The following DACH2 variants were observed in gnomAD, a reference collection of about 807,000 sequenced individuals.
The protein encoded by DACH2 is dachshund family transcription factor 2.
DACH2 carries 17 observed loss-of-function variants against 35.8 expected under a neutral mutation model. That is an observed-to-expected ratio of 0.48 (90% CI 0.33 to 0.71). The LOEUF is 0.71. Ranked by LOEUF, DACH2 falls within the 30% of genes least tolerant of loss-of-function variation. The probability of loss-of-function intolerance (pLI) is 0.02; values close to 1 mark genes in which losing one functional copy is unlikely to be tolerated. For synonymous variants in DACH2, 195 were observed against 177.3 expected (o/e 1.10, Z -0.79); for missense variants, 469 against 472.7 (o/e 0.99, Z 0.07).
rs58707735 is a variant in DACH2 at position 86,158,522 on chromosome X, CGTGTGTGTGT to C, written c.488+9431_488+9440del. Among the ~76,000 whole-genome samples the C allele has an allele frequency of 2.9e-5, 3 of 103,352 alleles. No homozygotes were observed. The South Asian group carries it at 1.3e-3, about 45-fold the overall frequency. 89.7% of individuals were successfully genotyped at this position (103,352 alleles called of 115,157 possible). A position where few individuals can be genotyped will look rare whatever the true frequency, so the allele number is the denominator to read the frequency against. On this transcript the variant is annotated intron_variant, in intron 1 of 11. Transcript: ENST00000373125. Reference sequence around the variant, plus strand: ...ATTAGATTTGTTATGATAGCCTGTGCGTGTGTGTGTGTGTGTGTGTGTGTGTCTATCCAGT... The same window carrying C: ...ATTAGATTTGTTATGATAGCCTGTGCGTGTGTGTGTGTGTGTCTATCCAGT...
intron 4 of DACH2, among the ~76,000 whole-genome samples, chrX:86,668,019 TC>T (rs887065705): frequency 1.8e-5 from 2 of 112,330 alleles, no homozygotes; most frequent in African/African-American, 6.5e-5. Context: ...TTATATTTCA[TC>T]CATATAGGGA....
At chrX:86,423,388 G>T (rs2036838094) in intron 2 of DACH2, among the ~76,000 whole-genome samples, 1 of 111,098 alleles carries the variant, frequency 9.0e-6, no homozygotes, top group Admixed American at 9.6e-5. Flanking sequence ...ATATCTCATT[G>T]TAGTTTTTGA....
chrX:86,759,767 A>T (rs1296824717), intron 7 of DACH2, among the ~76,000 whole-genome samples: 1 of 110,684 alleles, frequency 9.0e-6, no homozygotes, highest in African/African-American at 3.3e-5. Context: ...CAGTGGTAAC[A>T]TTTGAGTGTT....
intron 1 of DACH2, among the ~76,000 whole-genome samples, chrX:86,185,855 A>G (rs913995462): frequency 1.3e-4 from 15 of 112,260 alleles, no homozygotes; most frequent in Non-Finnish European, 5.6e-5. Flanking sequence ...AAAATCTGTA[A>G]AATTCTCAGA....
chrX:86,475,012 G>A (rs762471469), intron 2 of DACH2, among the ~76,000 whole-genome samples: 1 of 111,850 alleles, frequency 8.9e-6, no homozygotes, highest in South Asian at 3.7e-4. Context: ...GGGGATTACA[G>A]CTGTGAGCCA....
chrX:86,271,608 G>A (rs1289315748), intron 1 of DACH2, among the ~76,000 whole-genome samples: 3 of 111,192 alleles, frequency 2.7e-5, no homozygotes, highest in South Asian at 3.7e-4. Context: ...ATTTGGTGAC[G>A]GTAGAAGCAG....
intron 3 of DACH2, among the ~76,000 whole-genome samples, chrX:86,524,056 T>G (rs1343161794): frequency 8.9e-6 from 1 of 112,503 alleles, no homozygotes; most frequent in Non-Finnish European, 1.9e-5. Flanking sequence ...CCTCCAAAAT[T>G]TACCTTGGCC....
At position 86,676,270 on chromosome X, in the gene DACH2, GGT is replaced by G. The variant is rs771048423; in HGVS notation, c.773-18749_773-18748del. 2.7e-5 allele frequency among the ~76,000 whole-genome samples: 3 copies of G among 111,709 alleles called. No individual in the cohort carries two copies. The East Asian group carries it at 8.4e-4, about 31-fold the overall frequency. Reference sequence around the variant, plus strand: ...TTCCTTAAAACCTTAAAAAGACATTGGTGCTTTGTAAACACACCCATAATGTT... The same window carrying G: ...TTCCTTAAAACCTTAAAAAGACATTGGCTTTGTAAACACACCCATAATGTT... On this transcript the variant is annotated intron_variant, in intron 4 of 11. Transcript: ENST00000373125.
At chrX:86,780,170 CAA>C (rs5902915) in intron 7 of DACH2, among the ~76,000 whole-genome samples, 34,344 of 90,001 alleles carry the variant, frequency 0.38, 5,377 homozygotes, top group African/African-American at 0.48. Context: ...ATATAAATAC[CAA>C]AAAAAAAAAA....
At chrX:86,526,446 A>G (rs769787332) in intron 3 of DACH2, among the ~76,000 whole-genome samples, 1 of 111,599 alleles carries the variant, frequency 9.0e-6, no homozygotes, top group African/African-American at 3.3e-5. Context: ...AGTGGTGAAA[A>G]TGTTTTCTTG....
intron 6 of DACH2, among the ~76,000 whole-genome samples, chrX:86,738,107 G>T (rs1047761007): frequency 9.0e-6 from 1 of 111,008 alleles, no homozygotes; most frequent in African/African-American, 3.3e-5. Flanking sequence ...GATCAGATTG[G>T]GTCCACTAAG....
intron 7 of DACH2, among the ~76,000 whole-genome samples, chrX:86,752,986 C>T (rs781774595): frequency 3.1e-4 from 34 of 110,598 alleles, no homozygotes; most frequent in South Asian, 3.1e-3. Context: ...TATTTGAGCT[C>T]TCATATTTTA....
chrX:86,341,241 C>T (rs1361160456), intron 1 of DACH2, among the ~76,000 whole-genome samples: 1 of 111,750 alleles, frequency 8.9e-6, no homozygotes, highest in African/African-American at 3.3e-5. Flanking sequence ...GGCTGACTCT[C>T]TTGTTAGAGT....
At chrX:86,596,066 C>T (rs2039707636) in intron 3 of DACH2, among the ~76,000 whole-genome samples, 1 of 111,785 alleles carries the variant, frequency 8.9e-6, no homozygotes, top group Non-Finnish European at 1.9e-5. Flanking sequence ...TTTCAAGTCT[C>T]ATCCATGTTG....
chrX:86,445,636 C>A (rs1163887404), intron 2 of DACH2, among the ~76,000 whole-genome samples: 1 of 98,796 alleles, frequency 1.0e-5, no homozygotes, highest in Non-Finnish European at 2.0e-5. Flanking sequence ...TATTAATGAG[C>A]ATTTTTACAA....
chrX:86,265,310 T>C (rs1399536795), intron 1 of DACH2, among the ~76,000 whole-genome samples: 1 of 112,031 alleles, frequency 8.9e-6, no homozygotes, highest in East Asian at 2.8e-4. Context: ...GTACACATTA[T>C]ATTATATTCC....
chrX:86,598,968 G>A lies in DACH2; in HGVS notation c.641-52068G>A, dbSNP rs184501991. Reference sequence around the variant, plus strand: ...TCCCTCGCCCCTCCCGCCACCCCACGACAGGCCCCAGTGTGTGATGTTCCC... The same window carrying A: ...TCCCTCGCCCCTCCCGCCACCCCACAACAGGCCCCAGTGTGTGATGTTCCC... On this transcript the variant is annotated intron_variant, in intron 3 of 11. Transcript: ENST00000373125. Among the ~76,000 whole-genome samples, 159 of 106,977 alleles carry A rather than the reference G, an allele frequency of 1.5e-3. 1 individual carries two copies. Among genetic ancestry groups the A allele is most frequent in the African/African-American group, 5.1e-3 (142 of 27,625 alleles). The allele number at this position is 106,977 out of a possible 115,157, so 92.9% of individuals were successfully genotyped here.
intron 5 of DACH2, among the ~76,000 whole-genome samples, chrX:86,699,833 C>G (rs775879151): frequency 2.6e-4 from 29 of 111,555 alleles, no homozygotes; most frequent in Non-Finnish European, 4.7e-4. Context: ...TTTATGTAGG[C>G]ATATAATGCT....
chrX:86,613,619 C>T (rs1392238859), intron 3 of DACH2, among the ~76,000 whole-genome samples: 1 of 111,325 alleles, frequency 9.0e-6, no homozygotes, highest in Non-Finnish European at 1.9e-5. Flanking sequence ...CTTCGTTTTG[C>T]CTACCTTGGC....
Sources: gnomAD v4.1 joint callset for allele counts (sites outside exome capture counted in the v4.1 genomes callset) on GRCh38, gnomAD v4.1.1 for gene constraint, MANE v1.5 for transcripts, NCBI Gene and HGNC (gene_info 2026-07-23, HGNC 2026-07-21) for gene names.